KCNQ1: variants seen among roughly 807,000 people sequenced by gnomAD.
The protein encoded by KCNQ1 is potassium voltage-gated channel subfamily KQT member 1.
In KCNQ1, 49 loss-of-function variants were observed where a neutral mutation model predicts 72.4. That is an observed-to-expected ratio of 0.68 (90% CI 0.54 to 0.86). KCNQ1 has a LOEUF of 0.86. Ranked by LOEUF, KCNQ1 falls within the 40% of genes least tolerant of loss-of-function variation. The pLI is 0.00. For missense variants in KCNQ1, 790 were observed against 945.1 expected (o/e 0.84, Z 2.15); for synonymous variants, 450 against 412.6 (o/e 1.09, Z -1.10).
rs141646986 is a variant in KCNQ1, at chr11:2,640,099, G to A, written c.1394-21862G>A. 902 of 267,830 alleles carry A rather than the reference G, an allele frequency of 3.4e-3. 4 individuals are homozygous for A. The highest frequency in any genetic ancestry group is 0.018 in the African/African-American group (804 of 45,658). The allele number at this position is 267,830 out of a possible 1,614,324, so 16.6% of individuals were successfully genotyped here. A position where few individuals can be genotyped will look rare whatever the true frequency, so the allele number is the denominator to read the frequency against. On this transcript the variant is annotated intron_variant, in intron 10 of 15. Coordinates refer to ENST00000155840, the MANE Select transcript of KCNQ1 (RefSeq NM_000218.3). ...GGAGTGATCCAGTTTTCCAGGTGCC[G>A]TCTGTCACCCCTTCCGTTGGCTAGG...
intron 6 of KCNQ1, among the ~76,000 whole-genome samples, chr11:2,575,638 G>A (rs764368856): frequency 7.9e-5 from 12 of 152,202 alleles, no homozygotes; most frequent in Non-Finnish European, 1.5e-4. Context: ...GTACGCCCTC[G>A]CCGGCCAGGC....
Position 2,752,837 on chromosome 11 carries a change from C to T in KCNQ1, c.1515-16007C>T, listed in dbSNP as rs759130296. Among the ~76,000 whole-genome samples the T allele has an allele frequency of 5.9e-5, 9 of 152,150 alleles. No homozygotes were observed. Among genetic ancestry groups the T allele is most frequent in the Non-Finnish European group, 1.0e-4 (7 of 68,024 alleles). ...ACAGAGGAAACTGGTTCCTTTCTTT[C>T]GGTTCTGGGTTATGTCAAAATGAGT... On this transcript the variant is annotated intron_variant, in intron 11 of 15. Coordinates refer to ENST00000155840, the MANE Select transcript of KCNQ1 (RefSeq NM_000218.3). This position sits in a 1 kb window ranked among gnomAD's most constrained non-coding sequence, Gnocchi z 5.2.
At chr11:2,842,269 G>T (rs558459030) in intron 15 of KCNQ1, among the ~76,000 whole-genome samples, 2 of 152,352 alleles carry the variant, frequency 1.3e-5, no homozygotes, top group South Asian at 4.1e-4. Context: ...GACACTGCCC[G>T]GGTGAAGGGC....
chr11:2,778,076 G>A (rs779184586), intron 15 of KCNQ1, 39 bp downstream of exon 15: 17 of 1,596,772 alleles, frequency 1.1e-5, no homozygotes, highest in African/African-American at 2.7e-5. Context: ...TCTGGTTAGC[G>A]TCCTGGGGCC....
Position 2,785,231 on chromosome 11 carries a change from G to C in KCNQ1, c.1794+7194G>C, listed in dbSNP as rs766239344. ...TTGGATTTTGTCAAATGCTCTTTCT[G>C]TGTCTAGTGAGATGGTCCTGTGGTT... On this transcript the variant is annotated intron_variant, in intron 15 of 15. Transcript: ENST00000155840. This position sits in a 1 kb window ranked among gnomAD's most constrained non-coding sequence, Gnocchi z 4.4. Among the ~76,000 whole-genome samples, 1 of 151,954 alleles carries C rather than the reference G, an allele frequency of 6.6e-6. No individual in the cohort carries two copies. The highest frequency in any genetic ancestry group is 1.5e-5 in the Non-Finnish European group (1 of 67,826).
chr11:2,676,714 A>G lies in KCNQ1; in HGVS notation c.1514+14633A>G, dbSNP rs951352555. ...GACTACAGCCTGGCAGGAGATAACC[A>G]AGTCATATGCATAGTGGCTTTGGGT... is the stretch of plus-strand genomic sequence containing the variant. On this transcript the variant is annotated intron_variant, in intron 11 of 15. Coordinates refer to ENST00000155840, the MANE Select transcript of KCNQ1 (RefSeq NM_000218.3). The surrounding 1 kb of genome is among the most constrained non-coding windows in gnomAD (Gnocchi z 4.2). The G allele has an allele frequency of 5.0e-6, 2 of 398,554 alleles. No individual in the cohort carries two copies. Among genetic ancestry groups the G allele is most frequent in the African/African-American group, 2.1e-5 (1 of 48,622 alleles). The allele number at this position is 398,554 out of a possible 1,614,324, so 24.7% of individuals were successfully genotyped here.
chr11:2,837,983 G>A (rs540938368), intron 15 of KCNQ1, among the ~76,000 whole-genome samples: 18 of 152,364 alleles, frequency 1.2e-4, no homozygotes, highest in African/African-American at 4.3e-4. Flanking sequence ...GCAGGAAGGA[G>A]AGGGGGTCAT....
Position 2,746,610 on chromosome 11 carries a change from T to C in KCNQ1, c.1515-22234T>C, listed in dbSNP as rs534592864. Among the ~76,000 whole-genome samples the C allele has an allele frequency of 2.0e-5, 3 of 152,292 alleles. No homozygotes were observed. In the South Asian group the frequency reaches 6.2e-4, roughly 32 times the overall value. On this transcript the variant is annotated intron_variant, in intron 11 of 15. Coordinates refer to ENST00000155840, the MANE Select transcript of KCNQ1 (RefSeq NM_000218.3). This position sits in a 1 kb window ranked among gnomAD's most constrained non-coding sequence, Gnocchi z 5.9. ...TCTGCTGCTGTCCTCACGATTCGAC[T>C]GGGCTGTGGGTGTGAGGAGGGAGAG...
chr11:2,465,453 C>T (rs746134495), intron 1 of KCNQ1, among the ~76,000 whole-genome samples: 2 of 152,246 alleles, frequency 1.3e-5, no homozygotes, highest in East Asian at 1.9e-4. Context: ...GGAGGAACCA[C>T]GGCCCCCACC....
At chr11:2,459,899 A>G (rs933746912) in intron 1 of KCNQ1, among the ~76,000 whole-genome samples, 1 of 150,972 alleles carries the variant, frequency 6.6e-6, no homozygotes, top group Non-Finnish European at 1.5e-5. Flanking sequence ...TTTTTTTTTT[A>G]AATGTGGTTA....
chr11:2,541,316 G>T lies in KCNQ1; in HGVS notation c.477+13298G>T, dbSNP rs527748906. On this transcript the variant is annotated intron_variant, in intron 2 of 15. Transcript: ENST00000155840. The surrounding 1 kb of genome is among the most constrained non-coding windows in gnomAD (Gnocchi z 4.8). Reference sequence around the variant, plus strand: ...GAGCACCATGTGCTGAGAATGATGCGTGCATTCAGAGCAGCATTTGGTGGG... The same window carrying T: ...GAGCACCATGTGCTGAGAATGATGCTTGCATTCAGAGCAGCATTTGGTGGG... 1.3e-5 allele frequency among the ~76,000 whole-genome samples: 2 copies of T among 152,244 alleles called. No individual in the cohort carries two copies. The highest frequency in any genetic ancestry group is 3.9e-4 in the East Asian group (2 of 5,188).
At position 2,601,757 on chromosome 11, in the gene KCNQ1, C is replaced by A. The variant is rs1848811754; in HGVS notation, c.1393+12903C>A. 6.6e-6 allele frequency among the ~76,000 whole-genome samples: 1 copy of A among 152,204 alleles called. No homozygotes were observed. The highest frequency in any genetic ancestry group is 2.4e-5 in the African/African-American group (1 of 41,436). On this transcript the variant is annotated intron_variant, in intron 10 of 15. Coordinates refer to ENST00000155840, the MANE Select transcript of KCNQ1 (RefSeq NM_000218.3). The surrounding 1 kb of genome is among the most constrained non-coding windows in gnomAD (Gnocchi z 5.2). ...TTTGTATCGCGACAGTTCATTAAAT[C>A]ATAGTGCTGAGTGGAGTTTCACGGT... is the stretch of plus-strand genomic sequence containing the variant.
At chr11:2,699,107 T>G (rs1192322645) in intron 11 of KCNQ1, 1 of 398,446 alleles carries the variant, frequency 2.5e-6, no homozygotes, top group Non-Finnish European at 4.4e-6. Flanking sequence ...TAGCGCGGAC[T>G]CAGAACCACG....
chr11:2,628,014 A>G, intron 10 of KCNQ1: 1 of 398,616 alleles, frequency 2.5e-6, no homozygotes, highest in Non-Finnish European at 4.4e-6. Context: ...GCCACCCCCA[A>G]GTACTGGGAT....
At chr11:2,692,131 C>T (rs2133893317) in intron 11 of KCNQ1, 1 of 398,728 alleles carries the variant, frequency 2.5e-6, no homozygotes, top group East Asian at 3.6e-5. Flanking sequence ...GCCCACTCTA[C>T]TGAAGGCCCC....
intron 15 of KCNQ1, among the ~76,000 whole-genome samples, chr11:2,799,866 G>A (rs150676467): frequency 6.6e-6 from 1 of 152,312 alleles, no homozygotes; most frequent in African/African-American, 2.4e-5. Context: ...CAGAGGGTGT[G>A]TGTTTTCGGT....
rs76924905 is a variant in KCNQ1, at chr11:2,788,883, G to A, written c.1794+10846G>A. On this transcript the variant is annotated intron_variant, in intron 15 of 15. Transcript: ENST00000155840. The stretch of plus-strand genomic sequence containing the variant: ...GCCACCCTGTTCCTGCACAGGGGTG[G>A]GTGTGTCTGCCAGGGAGTCCCTGTG... 9.5e-3 allele frequency among the ~76,000 whole-genome samples: 1,443 copies of A among 152,214 alleles called. 8 individuals carry two copies. Among genetic ancestry groups the A allele is most frequent in the Non-Finnish European group, 0.014 (965 of 68,000 alleles).
Position 2,653,568 on chromosome 11 carries a change from CTT to C in KCNQ1, c.1394-8390_1394-8389del, listed in dbSNP as rs751039500. 7.5e-6 allele frequency: 3 copies of C among 398,720 alleles called. No homozygotes were observed. The highest frequency in any genetic ancestry group is 1.3e-5 in the Non-Finnish European group (3 of 226,172). The allele number at this position is 398,720 out of a possible 1,614,324, so 24.7% of individuals were successfully genotyped here. ...CTCCCCTTCTCCCTTCCCGTTCCCT[CTT>C]TTGTTCTCCCTTTCCCTTGCTCTCT... On this transcript the variant is annotated intron_variant, in intron 10 of 15. Transcript: ENST00000155840. This position sits in a 1 kb window ranked among gnomAD's most constrained non-coding sequence, Gnocchi z 5.3.
Position 2,735,931 on chromosome 11 carries a change from C to T in KCNQ1, c.1515-32913C>T, listed in dbSNP as rs1409771796. ...CCATCTCCAGACACACAGTCACAGT[C>T]AGAGGCAGGAGGAGGTGGGTGAGAG... On this transcript the variant is annotated intron_variant, in intron 11 of 15. Coordinates refer to ENST00000155840, the MANE Select transcript of KCNQ1 (RefSeq NM_000218.3). The surrounding 1 kb of genome is among the most constrained non-coding windows in gnomAD (Gnocchi z 7.7). Among the ~76,000 whole-genome samples, 1 of 152,204 alleles carries T rather than the reference C, an allele frequency of 6.6e-6. No individual in the cohort carries two copies. Among genetic ancestry groups the T allele is most frequent in the Non-Finnish European group, 1.5e-5 (1 of 68,036 alleles).
Sources: allele counts gnomAD v4.1 joint callset (sites outside exome capture counted in the v4.1 genomes callset), GRCh38; gene constraint gnomAD v4.1.1; non-coding constraint Gnocchi (gnomAD v3.1); transcripts MANE v1.5; gene names NCBI Gene and HGNC (gene_info 2026-07-23, HGNC 2026-07-21).